SLC2A14: variants seen among roughly 807,000 people sequenced by gnomAD.
The protein encoded by SLC2A14 is solute carrier family 2 member 14, also known as solute carrier family 2, facilitated glucose transporter member 14.
In SLC2A14, 13 loss-of-function variants were observed where a neutral mutation model predicts 43.0. The ratio of observed to expected loss-of-function variants is 0.30; its 90% confidence interval spans 0.20 to 0.48. The LOEUF (loss-of-function observed/expected upper bound fraction) is 0.48. Ranked by LOEUF, SLC2A14 falls within the 20% of genes least tolerant of loss-of-function variation. SLC2A14 has a pLI of 0.99. For synonymous variants in SLC2A14, 190 were observed against 233.8 expected (o/e 0.81, Z 1.71); for missense variants, 428 against 620.4 (o/e 0.69, Z 3.29).
At chr12:7,881,716 C>T (rs1555150177) in intron 1 of SLC2A14, among the ~76,000 whole-genome samples, 1 of 152,178 alleles carries the variant, frequency 6.6e-6, no homozygotes, top group Non-Finnish European at 1.5e-5. Context: ...GCAAGATCCA[C>T]TGTGTGAAGC....
At chr12:7,862,781 A>G (rs1481145874) in intron 2 of SLC2A14, among the ~76,000 whole-genome samples, 5 of 152,106 alleles carry the variant, frequency 3.3e-5, no homozygotes, top group Admixed American at 3.3e-4. Context: ...AAGGTTTGTG[A>G]GTGCACCAAT....
upstream of SLC2A14, among the ~76,000 whole-genome samples, chr12:7,877,228 C>A (rs1293966182): frequency 6.6e-6 from 1 of 151,976 alleles, no homozygotes; most frequent in Non-Finnish European, 1.5e-5. Context: ...GAACTCCTGA[C>A]CTCAGGTGAT....
At chr12:7,836,320 A>G (rs897296925) in intron 2 of SLC2A14, among the ~76,000 whole-genome samples, 2 of 151,494 alleles carry the variant, frequency 1.3e-5, no homozygotes, top group Non-Finnish European at 2.9e-5. Context: ...TCCCCGGTTC[A>G]AGCAGTTCTC....
Position 7,829,979 on chromosome 12 carries a change from C to T in SLC2A14, c.300G>A (p.Leu100=). Residue 100 remains leucine (L), a synonymous_variant, in exon 5 of 11, where the codon CTG becomes CTA. Coordinates refer to ENST00000431042, the MANE Select transcript of SLC2A14 (RefSeq NM_001286234.2). ...TAAGGCAGCCACCAGTGGCAGCCAACAGGTTGACAATCAGCATTGAATTGC... is the reference window on the plus strand; with the variant it reads ...TAAGGCAGCCACCAGTGGCAGCCAATAGGTTGACAATCAGCATTGAATTGC... ...GRRNSMLIVN[L]LAATGGCLMG... 6.2e-7 allele frequency: 1 copy of T among 1,614,214 alleles called. No individual in the cohort carries two copies. The highest frequency in any genetic ancestry group is 1.3e-5 in the African/African-American group (1 of 75,052).
chr12:7,880,466 C>G (rs1945547311), intron 1 of SLC2A14, among the ~76,000 whole-genome samples: 1 of 98,656 alleles, frequency 1.0e-5, no homozygotes, highest in Admixed American at 1.2e-4. Context: ...CAAAGCAAGA[C>G]TCTTGTCTCA....
intron 9 of SLC2A14, among the ~76,000 whole-genome samples, chr12:7,819,238 A>G (rs1023355566): frequency 2.6e-5 from 4 of 152,068 alleles, no homozygotes; most frequent in African/African-American, 9.7e-5. Context: ...ACAAACAAAC[A>G]AAAGAATTAA....
At chr12:7,879,316 A>AAAAGAAAAC (rs148751409) in intron 1 of SLC2A14, among the ~76,000 whole-genome samples, 56,975 of 109,240 alleles carry the variant, frequency 0.52, 12,197 homozygotes, top group Admixed American at 0.66. Flanking sequence ...TCTGCAAAAA[A>AAAAGAAAAC]AAACAAACAA....
At chr12:7,870,934 C>G (rs12815313) in intron 1 of SLC2A14, 1 of 1,419,172 alleles carries the variant, frequency 7.0e-7, no homozygotes, top group African/African-American at 1.4e-5. Context: ...TCGTGATGTT[C>G]GACCAGTTCC....
intron 2 of SLC2A14, among the ~76,000 whole-genome samples, chr12:7,850,073 C>T (rs765861764): frequency 1.0e-4 from 15 of 149,346 alleles, no homozygotes; most frequent in African/African-American, 3.2e-4. Context: ...ATTTTATTCA[C>T]GTGGAAACAC....
chr12:7,878,258 C>T (rs1945498500), upstream of SLC2A14, among the ~76,000 whole-genome samples: 1 of 151,492 alleles, frequency 6.6e-6, no homozygotes, highest in Non-Finnish European at 1.5e-5. Flanking sequence ...ATCATGTTGG[C>T]CAGGCTGGTG....
chr12:7,862,517 C>T (rs1378017294), intron 2 of SLC2A14, among the ~76,000 whole-genome samples: 1 of 152,062 alleles, frequency 6.6e-6, no homozygotes, highest in African/African-American at 2.4e-5. Flanking sequence ...CGAATGCCGC[C>T]CCCTGCTCCA....
intron 1 of SLC2A14, among the ~76,000 whole-genome samples, chr12:7,884,046 C>G (rs1302040038): frequency 1.3e-5 from 2 of 152,012 alleles, no homozygotes; most frequent in Non-Finnish European, 2.9e-5. Flanking sequence ...GCCTCAGCCT[C>G]CCAAGTAGCT....
intron 2 of SLC2A14, among the ~76,000 whole-genome samples, chr12:7,869,096 A>G (rs1283236324): frequency 1.3e-5 from 2 of 151,286 alleles, no homozygotes; most frequent in South Asian, 2.1e-4. Flanking sequence ...GTGAGCCGAG[A>G]TCACACCATT....
rs781765499 is a variant in SLC2A14 at position 7,886,189 on chromosome 12, G to A, written c.132+4807C>T. ...TTTTTTTTTTTTTTTTTTGAGACAA[G>A]GTCAGGCTGTCCCTGAGGCTGGAGT... On this transcript the variant is annotated intron_variant, in intron 1 of 9. Transcript: ENST00000539924. 3.8e-4 allele frequency among the ~76,000 whole-genome samples: 33 copies of A among 86,298 alleles called. No homozygotes were observed. The South Asian group carries it at 0.014, about 36-fold the overall frequency. The allele number at this position is 86,298 out of a possible 152,430, so 56.6% of individuals were successfully genotyped here.
intron 2 of SLC2A14, chr12:7,839,924 C>CAAAAAAA (rs57569188): frequency 1.7e-4 from 28 of 168,112 alleles, no homozygotes; most frequent in South Asian, 3.4e-4. Flanking sequence ...CCTGTCTCTA[C>CAAAAAAA]AAAAAAAAAA....
intron 2 of SLC2A14, among the ~76,000 whole-genome samples, chr12:7,863,017 G>A (rs1402183652): frequency 6.6e-6 from 1 of 152,132 alleles, no homozygotes; most frequent in Non-Finnish European, 1.5e-5. Context: ...AGCCCGCATT[G>A]GCAACCAGCT....
intron 2 of SLC2A14, chr12:7,839,992 G>A: frequency 5.5e-6 from 2 of 361,390 alleles, no homozygotes; most frequent in South Asian, 4.3e-5. Flanking sequence ...TGCACTTGTA[G>A]TCCCAGCTAC....
intron 2 of SLC2A14, among the ~76,000 whole-genome samples, chr12:7,863,689 TG>T (rs1449177433): frequency 6.6e-6 from 1 of 152,102 alleles, no homozygotes; most frequent in East Asian, 1.9e-4. Context: ...ATAAACTAAA[TG>T]ACAAACATAC....
upstream of SLC2A14, among the ~76,000 whole-genome samples, chr12:7,874,882 ATATT>A (rs1188039618): frequency 5.8e-5 from 5 of 85,640 alleles, no homozygotes; most frequent in Non-Finnish European, 1.0e-4. Context: ...ATATAAATAT[ATATT>A]TATATAAAAA....
Sources: allele counts gnomAD v4.1 joint callset (sites outside exome capture counted in the v4.1 genomes callset), GRCh38; gene constraint gnomAD v4.1.1; transcripts MANE v1.5; gene names NCBI Gene and HGNC (gene_info 2026-07-23, HGNC 2026-07-21).